The following WDFY3 variants were observed in gnomAD, a reference collection of about 807,000 sequenced individuals.
The protein encoded by WDFY3 is WD repeat and FYVE domain-containing protein 3.
Under a neutral mutation model 409.6 loss-of-function variants are expected in WDFY3, and 66 were observed. The ratio of observed to expected loss-of-function variants is 0.16; its 90% CI spans 0.13 to 0.20. WDFY3 has a LOEUF of 0.20. Among genes scored for constraint, WDFY3 ranks in the 10% least tolerant of loss-of-function variants. The pLI is 1.00. For missense variants in WDFY3, 3,031 were observed against 4,298.1 expected, an observed-to-expected ratio of 0.71 and a Z score of 8.24; for synonymous variants, 1,521 against 1,537.1, an observed-to-expected ratio of 0.99 and a Z score of 0.25.
intron 64 of WDFY3, 74 bp downstream of exon 64, chr4:84,682,300 G>T: frequency 7.2e-7 from 1 of 1,394,944 alleles, no homozygotes; most frequent in Non-Finnish European, 9.9e-7. Context: ...TATGTTGTTT[G>T]GTATAAGCTT....
intron 42 of WDFY3, among the ~76,000 whole-genome samples, chr4:84,735,579 TC>T (rs1210713011): frequency 6.6e-6 from 1 of 152,148 alleles, no homozygotes; most frequent in Non-Finnish European, 1.5e-5. Flanking sequence ...TCTTCTCCCT[TC>T]CACAGGTATT....
chr4:84,918,333 G>A (rs1768780818), intron 2 of WDFY3, among the ~76,000 whole-genome samples: 1 of 152,046 alleles, frequency 6.6e-6, no homozygotes, highest in Non-Finnish European at 1.5e-5. Flanking sequence ...ATGAACTGGT[G>A]TACATACACA....
intron 3 of WDFY3, among the ~76,000 whole-genome samples, chr4:84,882,201 C>T (rs183263033): frequency 1.2e-3 from 181 of 152,274 alleles, no homozygotes; most frequent in African/African-American, 4.0e-3. Flanking sequence ...TCTCAGTCAA[C>T]AGCCAATATT....
intron 17 of WDFY3, among the ~76,000 whole-genome samples, chr4:84,798,725 A>AC (rs1470514681): frequency 1.3e-5 from 2 of 152,138 alleles, no homozygotes; most frequent in African/African-American, 4.8e-5. Context: ...TGCTGCTATC[A>AC]CCCAGACCAT....
intron 4 of WDFY3, among the ~76,000 whole-genome samples, chr4:84,850,379 C>T (rs945761660): frequency 3.9e-5 from 6 of 151,938 alleles, no homozygotes; most frequent in African/African-American, 1.5e-4. Context: ...AGTGTAGTGG[C>T]ACGATTTTGG....
intron 34 of WDFY3, among the ~76,000 whole-genome samples, 161 bp from the exon 35 acceptor site, chr4:84,754,037 T>A (rs570843435): frequency 6.6e-6 from 1 of 152,270 alleles, no homozygotes; most frequent in South Asian, 2.1e-4. Flanking sequence ...TATACACACA[T>A]GCAAAGAAAT....
intron 30 of WDFY3, among the ~76,000 whole-genome samples, chr4:84,770,085 G>T (rs148428472): frequency 0.037 from 5,589 of 151,528 alleles, 205 homozygotes; most frequent in Admixed American, 0.11. Flanking sequence ...CTGGAGTGCA[G>T]TGGCGTGATC....
chr4:84,684,776 G>A (rs1198600866), intron 62 of WDFY3, among the ~76,000 whole-genome samples: 1 of 152,156 alleles, frequency 6.6e-6, no homozygotes, highest in East Asian at 1.9e-4. Context: ...GTTTTTATGA[G>A]ATCCAAAGAT....
At chr4:84,683,129 C>T (rs947519179) in intron 63 of WDFY3, among the ~76,000 whole-genome samples, 4 of 152,154 alleles carry the variant, frequency 2.6e-5, no homozygotes, top group African/African-American at 9.7e-5. Context: ...GGCTAGGGAG[C>T]TATTTTATGC....
chr4:84,927,204 C>G (rs1770111990), intron 2 of WDFY3, among the ~76,000 whole-genome samples: 1 of 152,128 alleles, frequency 6.6e-6, no homozygotes, highest in African/African-American at 2.4e-5. Context: ...TCATCATATG[C>G]TTAAGAAGTC....
intron 1 of WDFY3, among the ~76,000 whole-genome samples, chr4:84,937,203 GT>G (rs1261174908): frequency 6.6e-6 from 1 of 152,008 alleles, no homozygotes; most frequent in African/African-American, 2.4e-5. Context: ...CCTGAATATT[GT>G]TAAATCCAAA....
intron 32 of WDFY3, among the ~76,000 whole-genome samples, chr4:84,759,616 G>A (rs1276608798): frequency 1.3e-5 from 2 of 149,016 alleles, no homozygotes; most frequent in Non-Finnish European, 3.0e-5. Flanking sequence ...GTCTGTTATT[G>A]GTGTATAAGA....
chr4:84,799,421 G>A (rs1052889271), intron 17 of WDFY3, among the ~76,000 whole-genome samples: 2 of 150,304 alleles, frequency 1.3e-5, no homozygotes, highest in East Asian at 2.0e-4. Context: ...ATCCTCCTGC[G>A]TTGGCCTCCC....
intron 3 of WDFY3, among the ~76,000 whole-genome samples, chr4:84,876,328 A>G (rs975229013): frequency 1.3e-5 from 2 of 152,240 alleles, no homozygotes; most frequent in African/African-American, 4.8e-5. Context: ...GAGACAGTAT[A>G]ACATATTAGT....
At chr4:84,889,968 G>A (rs78481043) in intron 3 of WDFY3, among the ~76,000 whole-genome samples, 18,114 of 152,132 alleles carry the variant, frequency 0.12, 1,895 homozygotes, top group African/African-American at 0.28. Flanking sequence ...AAGATCCATC[G>A]TACCTTGCTC....
chr4:84,696,064 TA>T lies in WDFY3; in HGVS notation c.8806del (p.Tyr2936MetfsTer14), dbSNP rs35329336. The T allele has an allele frequency of 6.2e-7, 1 of 1,614,120 alleles. No homozygotes were observed. Among genetic ancestry groups the T allele is most frequent in the Non-Finnish European group, 8.5e-7 (1 of 1,180,004 alleles). ...EAVNVFHHLFYEGQVDIYNIN... is the reference protein window; with the variant it reads ...EAVNVFHHLFXEGQVDIYNIN... ...GTTGTAGATATCCACTTGACCCTCATAAAAAAGATGATGGAAGACATTTACA... is the reference window on the plus strand; with the variant it reads ...GTTGTAGATATCCACTTGACCCTCATAAAAAGATGATGGAAGACATTTACA... On this transcript the variant is annotated frameshift_variant, in exon 58 of 68. Transcript: ENST00000295888. LOFTEE classifies it high-confidence loss of function.
chr4:84,727,428 A>G (rs1735837762), intron 44 of WDFY3, among the ~76,000 whole-genome samples: 2 of 152,102 alleles, frequency 1.3e-5, no homozygotes, highest in South Asian at 4.1e-4. Context: ...TCCTCCCTTA[A>G]AAGCATAAGG....
chr4:84,780,408 T>C, intron 25 of WDFY3, 110 bp from the exon 26 acceptor site: 1 of 1,137,862 alleles, frequency 8.8e-7, no homozygotes, highest in South Asian at 1.9e-5. Context: ...TTTAAAAATA[T>C]CTTCTGTCTA....
intron 11 of WDFY3, among the ~76,000 whole-genome samples, chr4:84,820,783 G>A (rs1051021508): frequency 1.1e-4 from 16 of 151,924 alleles, no homozygotes; most frequent in African/African-American, 2.2e-4. Flanking sequence ...TTTAAAGCTC[G>A]CTCTTAGAAG....
Sources: allele counts gnomAD v4.1 joint callset (sites outside exome capture counted in the v4.1 genomes callset), GRCh38; gene constraint gnomAD v4.1.1; transcripts MANE v1.5; gene names NCBI Gene and HGNC (gene_info 2026-07-23, HGNC 2026-07-21).